FHDC1: variants seen among roughly 807,000 people sequenced by gnomAD.
The protein encoded by FHDC1 is FH2 domain containing 1.
FHDC1 carries 25 observed loss-of-function variants against 52.6 expected under a neutral mutation model. That is an observed-to-expected ratio of 0.48 (90% CI 0.35 to 0.66). The LOEUF is 0.66. Among genes scored for constraint, FHDC1 ranks in the 30% least tolerant of loss-of-function variants. The probability of loss-of-function intolerance (pLI) is 0.01; values close to 1 mark genes in which losing one functional copy is unlikely to be tolerated. For missense variants in FHDC1, 1,459 were observed against 1,452.8 expected (o/e 1.00, Z -0.07); for synonymous variants, 616 against 581.5 (o/e 1.06, Z -0.85).
At chr4:152,931,249 G>A in the FHDC1 span, among the ~76,000 whole-genome samples, 1 of 151,942 alleles carries the variant, frequency 6.6e-6, no homozygotes, top group East Asian at 1.9e-4. Flanking sequence ...GAAATGATAG[G>A]TTTTGATGTT....
chr4:152,974,292 T>C (rs1220226836), intron 11 of FHDC1, among the ~76,000 whole-genome samples: 1 of 152,114 alleles, frequency 6.6e-6, no homozygotes, highest in African/African-American at 2.4e-5. Context: ...AGAAACAGAG[T>C]TGGCTTTCCT....
intron 9 of FHDC1, among the ~76,000 whole-genome samples, chr4:152,965,965 C>A (rs1740444557): frequency 6.6e-6 from 1 of 152,206 alleles, no homozygotes; most frequent in Admixed American, 6.5e-5. Flanking sequence ...GATTACATGT[C>A]TTTCCCAAAG....
chr4:152,968,701 T>C (rs1335749035), intron 10 of FHDC1, among the ~76,000 whole-genome samples: 1 of 152,206 alleles, frequency 6.6e-6, no homozygotes, highest in Non-Finnish European at 1.5e-5. Context: ...GTTTGCACGA[T>C]TGCAGTTTAC....
chr4:152,938,333 A>G (rs1482736136), intron 1 of FHDC1, among the ~76,000 whole-genome samples: 1 of 151,872 alleles, frequency 6.6e-6, no homozygotes, highest in Non-Finnish European at 1.5e-5. Flanking sequence ...GAAGGCGCTT[A>G]CTGGGAACGC....
chr4:152,962,775 A>G (rs761093535), intron 6 of FHDC1, 39 bp from the exon 7 acceptor site: 63 of 1,546,640 alleles, frequency 4.1e-5, no homozygotes, highest in Non-Finnish European at 3.6e-6. Context: ...TTGAAACTGA[A>G]GGCATCTCTA....
the FHDC1 span, among the ~76,000 whole-genome samples, chr4:152,924,138 A>C: frequency 1.3e-5 from 2 of 152,132 alleles, no homozygotes; most frequent in Admixed American, 1.3e-4. Context: ...CAGAATCTAC[A>C]ATGAACTCAA....
chr4:152,918,437 G>T, the FHDC1 span: 1 of 152,174 alleles, frequency 6.6e-6, no homozygotes, highest in African/African-American at 2.4e-5. Flanking sequence ...CTAGCTTATG[G>T]AAACGTGTTA....
chr4:152,949,408 A>T (rs1255973030), intron 2 of FHDC1, among the ~76,000 whole-genome samples: 1 of 152,012 alleles, frequency 6.6e-6, no homozygotes, highest in Non-Finnish European at 1.5e-5. Flanking sequence ...TGAGCCCAGG[A>T]GTTTGAGGCT....
the FHDC1 span, chr4:152,912,368 G>A: frequency 6.6e-6 from 1 of 152,244 alleles, no homozygotes; most frequent in South Asian, 2.1e-4. Context: ...CACCTCTGAA[G>A]TTGGATATTT....
chr4:152,928,987 G>A, the FHDC1 span, among the ~76,000 whole-genome samples: 1 of 151,524 alleles, frequency 6.6e-6, no homozygotes, highest in Admixed American at 6.6e-5. Flanking sequence ...GAAAAAAAAA[G>A]AAAGTTTATT....
chr4:152,969,773 G>C lies in FHDC1; in HGVS notation c.1218+1676G>C, dbSNP rs1004332972. Reference sequence around the variant, plus strand: ...CAACCTCCACCTCCTGGGTTCAGGTGAGTCTCCTCCCTCAGCCTCCTGAGC... The same window carrying C: ...CAACCTCCACCTCCTGGGTTCAGGTCAGTCTCCTCCCTCAGCCTCCTGAGC... On this transcript the variant is annotated intron_variant, in intron 10 of 11. Transcript: ENST00000511601. Among the ~76,000 whole-genome samples the C allele has an allele frequency of 2.0e-5, 3 of 150,928 alleles. No individual in the cohort carries two copies. In the Admixed American group the frequency reaches 2.0e-4, roughly 10 times the overall value.
At chr4:152,963,938 C>T (rs1192661554) in intron 8 of FHDC1, among the ~76,000 whole-genome samples, 1 of 152,000 alleles carries the variant, frequency 6.6e-6, no homozygotes, top group Non-Finnish European at 1.5e-5. Flanking sequence ...GTTGTTTTGA[C>T]ATCAGTGCTG....
rs961240861 is a variant in FHDC1, at chr4:152,976,715, C to G, written c.3424C>G (p.Arg1142Gly). 9.5e-6 allele frequency: 14 copies of G among 1,479,066 alleles called. No homozygotes were observed. The highest frequency in any genetic ancestry group is 1.3e-5 in the Non-Finnish European group (14 of 1,112,330). The allele number at this position is 1,479,066 out of a possible 1,614,324, so 91.6% of individuals were successfully genotyped here. A position where few individuals can be genotyped will look rare whatever the true frequency, so the allele number is the denominator to read the frequency against. Residue 1142 changes from arginine (R) to glycine (G), a missense_variant, in exon 12 of 12, where the codon CGG becomes GGG. This residue lies in a region of FHDC1 where 939 missense variants were observed against 854.5 expected (regional missense o/e 1.10). Transcript: ENST00000511601. ...TTLGRILNPL[R>G]K ...GCTGGGGAGAATCCTCAATCCCTTACGGAAGTGATGGGTGCCTGTCCTCTC... is the reference window on the plus strand; with the variant it reads ...GCTGGGGAGAATCCTCAATCCCTTAGGGAAGTGATGGGTGCCTGTCCTCTC...
chr4:152,958,880 A>G (rs2149950051), intron 4 of FHDC1, among the ~76,000 whole-genome samples: 1 of 152,324 alleles, frequency 6.6e-6, no homozygotes, highest in East Asian at 1.9e-4. Context: ...AGGGAAATGC[A>G]ATTATATAAA....
chr4:152,972,644 C>A (rs908846992), intron 11 of FHDC1, 103 bp downstream of exon 11: 3 of 1,336,958 alleles, frequency 2.2e-6, no homozygotes, highest in South Asian at 1.5e-5. Flanking sequence ...TGCATCTCCA[C>A]GGTTTCGGGG....
At position 152,956,311 on chromosome 4, in the gene FHDC1, T is replaced by C. The variant is rs1266277541; in HGVS notation, c.663+1992T>C. On this transcript the variant is annotated intron_variant, in intron 4 of 11. Transcript: ENST00000511601. ...AGTGAGGATCAGATTTGACAGCGCA[T>C]GTGAAAGTGCTCTGAAAAGCTTTAA... Among the ~76,000 whole-genome samples the C allele has an allele frequency of 3.3e-5, 5 of 152,190 alleles. No individual in the cohort carries two copies. The East Asian group carries it at 9.6e-4, about 29-fold the overall frequency.
upstream of FHDC1, among the ~76,000 whole-genome samples, chr4:152,934,228 T>C (rs1739305651): frequency 6.6e-6 from 1 of 152,136 alleles, no homozygotes; most frequent in African/African-American, 2.4e-5. Flanking sequence ...TAGCAAATAC[T>C]TGAATTTTAA....
intron 2 of FHDC1, among the ~76,000 whole-genome samples, chr4:152,947,890 CT>C (rs1290600620): frequency 1.3e-5 from 2 of 152,098 alleles, no homozygotes; most frequent in Non-Finnish European, 2.9e-5. Context: ...GTAATAAATA[CT>C]TTATTCTCCC....
chr4:152,971,945 A>G (rs17029368), intron 10 of FHDC1, among the ~76,000 whole-genome samples: 9,015 of 152,224 alleles, frequency 0.059, 386 homozygotes, highest in African/African-American at 0.11. Flanking sequence ...ATAATGCATC[A>G]GTAGAGCGAG....
Sources: allele counts gnomAD v4.1 joint callset (sites outside exome capture counted in the v4.1 genomes callset), GRCh38; gene constraint gnomAD v4.1.1; regional missense constraint gnomAD v4.1.1; transcripts MANE v1.5; gene names NCBI Gene and HGNC (gene_info 2026-07-23, HGNC 2026-07-21).